EXOC6B: variants seen among roughly 807,000 people sequenced by gnomAD.
EXOC6B encodes the protein SEC15 homolog B.
EXOC6B carries 54 observed loss-of-function variants against 113.5 expected under a neutral mutation model. The observed-to-expected ratio is 0.48, with a 90% CI of 0.38 to 0.60. The LOEUF (loss-of-function observed/expected upper bound fraction) is 0.60. EXOC6B is among the 20% of genes least tolerant of loss of function. The pLI is 0.00. For missense variants in EXOC6B, 797 were observed against 977.5 expected, an observed-to-expected ratio of 0.82 and a Z score of 2.46; for synonymous variants, 357 against 339.0, an observed-to-expected ratio of 1.05 and a Z score of -0.58.
chr2:72,599,490 A>G (rs1670275288), intron 6 of EXOC6B, among the ~76,000 whole-genome samples: 1 of 152,176 alleles, frequency 6.6e-6, no homozygotes, highest in African/African-American at 2.4e-5. Flanking sequence ...ATCAGGAACA[A>G]TACAAGGATG....
intron 7 of EXOC6B, among the ~76,000 whole-genome samples, chr2:72,573,634 TA>T (rs952604456): frequency 9.2e-5 from 14 of 152,224 alleles, no homozygotes; most frequent in African/African-American, 3.4e-4. Context: ...TAAGAGCTAT[TA>T]AGAGTTCTTG....
intron 20 of EXOC6B, among the ~76,000 whole-genome samples, chr2:72,293,561 A>G (rs1685940700): frequency 6.6e-6 from 1 of 152,140 alleles, no homozygotes; most frequent in South Asian, 2.1e-4. Context: ...CCCTTCAGCT[A>G]TGGATCTGAG....
At chr2:72,551,486 G>A (rs1009542402) in intron 8 of EXOC6B, among the ~76,000 whole-genome samples, 2 of 148,844 alleles carry the variant, frequency 1.3e-5, no homozygotes, top group Non-Finnish European at 1.5e-5. Context: ...GTGAGCCACC[G>A]CACCTGGCAA....
intron 20 of EXOC6B, among the ~76,000 whole-genome samples, chr2:72,255,706 C>T (rs1683313156): frequency 6.6e-6 from 1 of 152,186 alleles, no homozygotes; most frequent in South Asian, 2.1e-4. Context: ...GCATCATACC[C>T]AGAGGGCCAC....
At chr2:72,356,040 A>T (rs1290298398) in intron 19 of EXOC6B, among the ~76,000 whole-genome samples, 1 of 152,214 alleles carries the variant, frequency 6.6e-6, no homozygotes, top group Non-Finnish European at 1.5e-5. Context: ...ATATTTTTTA[A>T]TTGAAAAGGA....
intron 6 of EXOC6B, among the ~76,000 whole-genome samples, chr2:72,594,192 G>C (rs532136822): frequency 6.6e-6 from 1 of 151,870 alleles, no homozygotes; most frequent in East Asian, 1.9e-4. Context: ...TATGTTGCCC[G>C]GGCTGCTCTC....
chr2:72,439,249 C>A (rs1696055411), intron 18 of EXOC6B, among the ~76,000 whole-genome samples: 1 of 152,070 alleles, frequency 6.6e-6, no homozygotes, highest in African/African-American at 2.4e-5. Flanking sequence ...AACTAGGGTT[C>A]TCTGAATTTA....
chr2:72,626,923 G>A (rs1196021365), intron 6 of EXOC6B, among the ~76,000 whole-genome samples: 1 of 152,084 alleles, frequency 6.6e-6, no homozygotes, highest in Admixed American at 6.6e-5. Flanking sequence ...TTAATTAAGA[G>A]GATTCTGGTC....
chr2:72,540,308 A>C (rs1329109615), intron 8 of EXOC6B, among the ~76,000 whole-genome samples: 1 of 152,040 alleles, frequency 6.6e-6, no homozygotes, highest in Non-Finnish European at 1.5e-5. Context: ...TGGGTACTTT[A>C]ATTTTTTATT....
intron 6 of EXOC6B, among the ~76,000 whole-genome samples, chr2:72,698,646 T>C (rs552331302): frequency 6.6e-6 from 1 of 152,326 alleles, no homozygotes; most frequent in Non-Finnish European, 1.5e-5. Flanking sequence ...TGAGAAGTTA[T>C]AGCTAAACCA....
At chr2:72,504,983 T>C (rs1210994942) in intron 11 of EXOC6B, among the ~76,000 whole-genome samples, 1 of 152,200 alleles carries the variant, frequency 6.6e-6, no homozygotes, top group African/African-American at 2.4e-5. Context: ...GTAGGAATTC[T>C]TCATATATTC....
intron 1 of EXOC6B, among the ~76,000 whole-genome samples, chr2:72,824,800 T>G (rs1484528242): frequency 6.6e-6 from 1 of 152,102 alleles, no homozygotes; most frequent in Non-Finnish European, 1.5e-5. Flanking sequence ...AAAACTGGGC[T>G]TAGTGAGTAG....
intron 1 of EXOC6B, among the ~76,000 whole-genome samples, chr2:72,811,446 C>A (rs1274186423): frequency 7.2e-5 from 11 of 152,184 alleles, no homozygotes; most frequent in Admixed American, 7.2e-4. Flanking sequence ...AATTTAAAAT[C>A]TTCAAGCCTA....
chr2:72,215,109 T>G (rs1440989937), intron 20 of EXOC6B, among the ~76,000 whole-genome samples: 2 of 152,220 alleles, frequency 1.3e-5, no homozygotes, highest in Non-Finnish European at 2.9e-5. Context: ...CTTCTCTTGC[T>G]GAATGGTGAG....
At chr2:72,468,481 G>C (rs1371550874) in intron 17 of EXOC6B, among the ~76,000 whole-genome samples, 1 of 152,112 alleles carries the variant, frequency 6.6e-6, no homozygotes, top group Non-Finnish European at 1.5e-5. Context: ...GATTATGTCA[G>C]GGTTATTTTG....
intron 2 of EXOC6B, among the ~76,000 whole-genome samples, chr2:72,736,948 A>G (rs1282616535): frequency 6.6e-6 from 1 of 152,190 alleles, no homozygotes; most frequent in African/African-American, 2.4e-5. Flanking sequence ...GTTTTCACGC[A>G]TTTCAGATAC....
rs556384009 is a variant in EXOC6B, at chr2:72,672,412, C to T, written c.669+45691G>A. Among the ~76,000 whole-genome samples, 127 of 151,728 alleles carry T rather than the reference C, an allele frequency of 8.4e-4. 1 individual carries two copies. Among genetic ancestry groups the T allele is most frequent in the Middle Eastern group, 6.8e-3 (2 of 292 alleles). On this transcript the variant is annotated intron_variant, in intron 6 of 21. Coordinates refer to ENST00000272427, the MANE Select transcript of EXOC6B (RefSeq NM_015189.3). ...TTGGGAGGCTGAGGCAGGCGGATCA[C>T]GAGGTCAGGACATCGAGACCATCCT...
intron 6 of EXOC6B, among the ~76,000 whole-genome samples, chr2:72,645,346 CTT>C (rs1673623782): frequency 6.6e-6 from 1 of 152,122 alleles, no homozygotes. Flanking sequence ...TAATGGGAGA[CTT>C]TAACACCCCA....
intron 19 of EXOC6B, among the ~76,000 whole-genome samples, chr2:72,369,231 A>G (rs1482815988): frequency 7.2e-5 from 11 of 152,200 alleles, no homozygotes; most frequent in Admixed American, 5.2e-4. Flanking sequence ...ACAGACAGAG[A>G]GCCAAATCAT....
Sources: gnomAD v4.1 joint callset for allele counts (sites outside exome capture counted in the v4.1 genomes callset) on GRCh38, gnomAD v4.1.1 for gene constraint, MANE v1.5 for transcripts, NCBI Gene and HGNC (gene_info 2026-07-23, HGNC 2026-07-21) for gene names.